NACC2: variants seen among roughly 807,000 people sequenced by gnomAD.
NACC2 encodes NACC family member 2, also known as nucleus accumbens-associated protein 2.
Under a neutral mutation model 25.1 loss-of-function variants are expected in NACC2, and 8 were observed. That is an observed-to-expected ratio of 0.32 (90% confidence interval 0.19 to 0.57). NACC2 has a LOEUF of 0.57. NACC2 is among the 20% of genes least tolerant of loss of function. NACC2 has a pLI of 0.89. For missense variants in NACC2, 644 were observed against 650.2 expected, an observed-to-expected ratio of 0.99 and a Z score of 0.10; for synonymous variants, 435 against 294.7, an observed-to-expected ratio of 1.48 and a Z score of -4.88.
rs182016963 is a variant in NACC2, at chr9:136,076,254, A to G, written c.-60+18935T>C. The stretch of plus-strand genomic sequence containing the variant: ...CGTTTCCCGGCCCTGCGGAACTCGA[A>G]GAAGTGCTGTAACTAACCCAACAAT... On this transcript the variant is annotated intron_variant, in intron 1 of 5. Coordinates refer to ENST00000277554, the MANE Select transcript of NACC2 (RefSeq NM_144653.5). Among the ~76,000 whole-genome samples, 93 of 152,320 alleles carry G rather than the reference A, an allele frequency of 6.1e-4. 1 individual carries two copies. The highest frequency in any genetic ancestry group is 7.4e-5 in the Non-Finnish European group (5 of 68,026).
At chr9:136,092,824 C>T (rs769889195) in intron 1 of NACC2, among the ~76,000 whole-genome samples, 1 of 152,230 alleles carries the variant, frequency 6.6e-6, no homozygotes, top group Admixed American at 6.5e-5. Flanking sequence ...CTGCTGCCCC[C>T]CTGTGGACTC....
At chr9:136,053,736 G>GGGCAACTTCGCCCCAA (rs1275283511) in intron 1 of NACC2, among the ~76,000 whole-genome samples, 2 of 152,240 alleles carry the variant, frequency 1.3e-5, no homozygotes, top group Non-Finnish European at 2.9e-5. Context: ...CTTCTGTTGT[G>GGGCAACTTCGCCCCAA]GGCAACTTCG....
At position 136,013,995 on chromosome 9, in the gene NACC2, C is replaced by A. The variant is rs1335262624; in HGVS notation, c.1052-26G>T. On this transcript the variant is annotated intron_variant, in intron 3 of 5. Coordinates refer to ENST00000277554, the MANE Select transcript of NACC2 (RefSeq NM_144653.5). This position sits in a 1 kb window ranked among gnomAD's most constrained non-coding sequence, Gnocchi z 6.6. ...CTGCAGCCACCAAACAGAAAAAGGG[C>A]TCGTGGCCTTCCCGGGCCATAGGGT... 6.6e-7 allele frequency: 1 copy of A among 1,512,782 alleles called. No homozygotes were observed. The highest frequency in any genetic ancestry group is 9.0e-7 in the Non-Finnish European group (1 of 1,116,252). 93.7% of individuals were successfully genotyped at this position (1,512,782 alleles called of 1,614,324 possible). A position where few individuals can be genotyped will look rare whatever the true frequency, so the allele number is the denominator to read the frequency against.
At chr9:136,088,050 C>G (rs539496473) in intron 1 of NACC2, among the ~76,000 whole-genome samples, 1 of 152,156 alleles carries the variant, frequency 6.6e-6, no homozygotes, top group Non-Finnish European at 1.5e-5. Context: ...AAGACGGGCA[C>G]CCCCAGTGGC....
intron 1 of NACC2, among the ~76,000 whole-genome samples, chr9:136,089,578 C>T (rs1487795119): frequency 1.3e-5 from 2 of 151,778 alleles, no homozygotes; most frequent in African/African-American, 4.8e-5. Context: ...GGGTGCCCTC[C>T]CTCCTCTGAG....
chr9:136,050,411 C>A lies in NACC2; in HGVS notation c.111G>T (p.Lys37Asn). Residue 37 changes from lysine (K) to asparagine (N), a missense_variant, in exon 2 of 6, where the codon AAG (lysine) becomes AAT (asparagine). By Grantham distance (94) the Lys-to-Asn change is moderately conservative. Coordinates refer to ENST00000277554, the MANE Select transcript of NACC2 (RefSeq NM_144653.5). ...GLYCDVSIVV[K>N]GQAFKAHRAV... ...CCCGGTGGGCCTTGAAGGCCTGGCC[C>A]TTGACCACGATGGACACATCGCAGT... is the stretch of plus-strand genomic sequence containing the variant. 2 of 764,358 alleles carry A rather than the reference C, an allele frequency of 2.6e-6. No homozygotes were observed. The highest frequency in any genetic ancestry group is 4.8e-6 in the Non-Finnish European group (2 of 416,042). The allele number at this position is 764,358 out of a possible 1,614,324, so 47.3% of individuals were successfully genotyped here.
chr9:136,087,614 G>C (rs1361813758), intron 1 of NACC2, among the ~76,000 whole-genome samples: 1 of 152,218 alleles, frequency 6.6e-6, no homozygotes. Flanking sequence ...AGACCTTCCT[G>C]GTGACCAGAA....
At chr9:136,062,177 A>AGGACAGGACAGGACAGGAC (rs1564235430) in intron 1 of NACC2, among the ~76,000 whole-genome samples, 7 of 137,012 alleles carry the variant, frequency 5.1e-5, no homozygotes, top group African/African-American at 1.8e-4. Context: ...CAGGACAGGA[A>AGGACAGGACAGGACAGGAC]AGGAAAGAGA....
At chr9:136,043,307 G>A (rs928960234) in intron 2 of NACC2, among the ~76,000 whole-genome samples, 390 of 152,290 alleles carry the variant, frequency 2.6e-3, no homozygotes, top group African/African-American at 8.8e-3. Context: ...GAAGAAATAC[G>A]TCACAATAAA....
chr9:136,050,970 C>T (rs1840823551), intron 1 of NACC2, among the ~76,000 whole-genome samples: 1 of 152,198 alleles, frequency 6.6e-6, no homozygotes, highest in Non-Finnish European at 1.5e-5. Context: ...CACTCTCCTC[C>T]CCTCAAAAAA....
intron 2 of NACC2, among the ~76,000 whole-genome samples, chr9:136,045,044 T>G (rs1036921740): frequency 6.6e-6 from 1 of 152,214 alleles, no homozygotes; most frequent in Non-Finnish European, 1.5e-5. Context: ...CCCAGTGGCA[T>G]CTGTCCAGGG....
At chr9:136,064,588 G>A (rs1229630522) in intron 1 of NACC2, among the ~76,000 whole-genome samples, 1 of 152,076 alleles carries the variant, frequency 6.6e-6, no homozygotes, top group Non-Finnish European at 1.5e-5. Context: ...TCATGGGATG[G>A]GAAGACCTAA....
At position 136,011,692 on chromosome 9, in the gene NACC2, C is replaced by A; in HGVS notation, c.1588G>T (p.Glu530Ter). Residue 530 changes from glutamate (E) to a stop codon, truncating the protein, a stop_gained, in exon 6 of 6, where the codon GAG (glutamate) becomes TAG (stop). Transcript: ENST00000277554. LOFTEE classifies it high-confidence loss of function. ...ACCGAGCCAGCCCCGTCCACCTCCTCGCCGGCGTCGAAGGCGGGGTTGGCG... is the reference window on the plus strand; with the variant it reads ...ACCGAGCCAGCCCCGTCCACCTCCTAGCCGGCGTCGAAGGCGGGGTTGGCG... ...AAANPAFDAG[E>*]EVDGAGSVIQ... 1 of 1,476,518 alleles carries A rather than the reference C, an allele frequency of 6.8e-7. No individual in the cohort carries two copies. Among genetic ancestry groups the A allele is most frequent in the South Asian group, 1.4e-5 (1 of 71,428 alleles). 91.5% of individuals were successfully genotyped at this position (1,476,518 alleles called of 1,614,324 possible).
chr9:136,025,614 T>TAAA (rs942237535), intron 2 of NACC2, among the ~76,000 whole-genome samples: 2 of 139,144 alleles, frequency 1.4e-5, no homozygotes, highest in African/African-American at 2.6e-5. Flanking sequence ...TAAGTCCTAT[T>TAAA]AAAAAAAAAA....
chr9:136,016,037 T>G (rs1840196637), intron 3 of NACC2, among the ~76,000 whole-genome samples: 1 of 152,138 alleles, frequency 6.6e-6, no homozygotes, highest in South Asian at 2.1e-4. Context: ...TTGCAGCCCC[T>G]GCCAATCAGG....
At chr9:136,071,204 T>A (rs957576895) in intron 1 of NACC2, among the ~76,000 whole-genome samples, 1 of 149,720 alleles carries the variant, frequency 6.7e-6, no homozygotes, top group Non-Finnish European at 1.5e-5. Flanking sequence ...CTACACTCCA[T>A]CCAGCCTGGG....
At chr9:136,048,065 A>C (rs1236125042) in intron 2 of NACC2, among the ~76,000 whole-genome samples, 1 of 152,198 alleles carries the variant, frequency 6.6e-6, no homozygotes, top group Non-Finnish European at 1.5e-5. Context: ...ACCCGTCGGC[A>C]GGGCCCTGTC....
At chr9:136,029,434 T>G (rs1840441536) in intron 2 of NACC2, among the ~76,000 whole-genome samples, 1 of 152,166 alleles carries the variant, frequency 6.6e-6, no homozygotes, top group African/African-American at 2.4e-5. Context: ...GCATACCTCA[T>G]TTTCCTGGAT....
At chr9:136,042,329 C>A (rs1245740572) in intron 2 of NACC2, among the ~76,000 whole-genome samples, 1 of 152,212 alleles carries the variant, frequency 6.6e-6, no homozygotes, top group Non-Finnish European at 1.5e-5. Flanking sequence ...AAGACCTACA[C>A]AACCTGACTT....
Sources: allele counts gnomAD v4.1 joint callset (sites outside exome capture counted in the v4.1 genomes callset), GRCh38; gene constraint gnomAD v4.1.1; non-coding constraint Gnocchi (gnomAD v3.1); transcripts MANE v1.5; gene names NCBI Gene and HGNC (gene_info 2026-07-23, HGNC 2026-07-21).